The following CUX1 variants were observed in gnomAD, a reference collection of about 807,000 sequenced individuals.
CUX1 encodes cut like homeobox 1.
A neutral mutation model predicts 158.8 loss-of-function variants in CUX1; 31 were observed. The ratio of observed to expected loss-of-function variants is 0.20; its 90% CI spans 0.15 to 0.26. CUX1 has a LOEUF of 0.26. Ranked by LOEUF, CUX1 falls within the 10% of genes least tolerant of loss-of-function variation. The probability of loss-of-function intolerance (pLI) is 1.00; values close to 1 mark genes in which losing one functional copy is unlikely to be tolerated. For missense variants in CUX1, 1,589 were observed against 2,014.6 expected, an observed-to-expected ratio of 0.79 and a Z score of 4.04; for synonymous variants, 879 against 862.1, an observed-to-expected ratio of 1.02 and a Z score of -0.34.
At chr7:101,898,737 C>T (rs554496133) in intron 1 of CUX1, among the ~76,000 whole-genome samples, 10 of 151,932 alleles carry the variant, frequency 6.6e-5, no homozygotes, top group Admixed American at 2.6e-4. Context: ...ATTACAGGCA[C>T]GCACCACCAC....
At chr7:101,918,604 G>A (rs1804519247) in intron 2 of CUX1, among the ~76,000 whole-genome samples, 1 of 152,338 alleles carries the variant, frequency 6.6e-6, no homozygotes, top group East Asian at 1.9e-4. Flanking sequence ...TGCGGTCCTG[G>A]GGAGGTGGGG....
chr7:102,158,258 T>C (rs1312415740), intron 8 of CUX1, among the ~76,000 whole-genome samples: 1 of 152,198 alleles, frequency 6.6e-6, no homozygotes. Context: ...CAGAGCTCTT[T>C]TTGAACCCTT....
In CUX1 at chr7:102,253,032, T is replaced by C. The variant is rs1801684737; in HGVS notation, c.*3990T>C. 2.0e-6 allele frequency: 2 copies of C among 985,292 alleles called. No individual in the cohort carries two copies. The highest frequency in any genetic ancestry group is 3.5e-5 in the African/African-American group (2 of 57,216). 61.0% of individuals were successfully genotyped at this position (985,292 alleles called of 1,614,324 possible). A position where few individuals can be genotyped will look rare whatever the true frequency, so the allele number is the denominator to read the frequency against. ...AAACCTGCTACTTTGTGCAAGTAAT[T>C]GAGGCAAAAGATACCAGTCGACAGC... On this transcript the variant is annotated 3_prime_UTR_variant, in exon 24 of 24. Transcript: ENST00000292535.
chr7:102,249,345 C>T lies in CUX1; in HGVS notation c.*303C>T. On this transcript the variant is annotated 3_prime_UTR_variant, in exon 24 of 24. Transcript: ENST00000292535. The stretch of plus-strand genomic sequence containing the variant: ...ACCCCTGGACCGCTTTGCGCACTTA[C>T]CGCCCTGCGGGCCACAGGGCAAAAT... 14 of 1,009,300 alleles carry T rather than the reference C, an allele frequency of 1.4e-5. No individual in the cohort carries two copies. Among genetic ancestry groups the T allele is most frequent in the Non-Finnish European group, 1.7e-5 (14 of 845,180 alleles). 62.5% of individuals were successfully genotyped at this position (1,009,300 alleles called of 1,614,324 possible).
intron 10 of CUX1, among the ~76,000 whole-genome samples, chr7:102,173,753 G>C (rs782406206): frequency 1.1e-4 from 16 of 152,156 alleles, no homozygotes; most frequent in Non-Finnish European, 1.9e-4. Context: ...GGTAGAGTCC[G>C]TTGTGGATCC....
chr7:102,248,865 CA>C lies in CUX1; in HGVS notation c.4342del (p.Ser1448AlafsTer37). 2 of 1,302,108 alleles carry C rather than the reference CA, an allele frequency of 1.5e-6. No individual in the cohort carries two copies. The highest frequency in any genetic ancestry group is 1.8e-5 in the South Asian group (1 of 55,006). The allele number at this position is 1,302,108 out of a possible 1,614,324, so 80.7% of individuals were successfully genotyped here. A position where few individuals can be genotyped will look rare whatever the true frequency, so the allele number is the denominator to read the frequency against. ...CGCCGCCCAGCAACAGCAGCAGCAG[CA>C]GCGCCCCCCGCAGGCCCAGCTCGCT... ...APPPSNSSSS[S>X]APRRPSSLQS... On this transcript the variant is annotated frameshift_variant, in exon 24 of 24. Coordinates refer to ENST00000292535, the MANE Select transcript of CUX1 (RefSeq NM_181552.4). LOFTEE classifies it low-confidence loss of function (END_TRUNC). The surrounding 1 kb of genome is among the most constrained non-coding windows in gnomAD (Gnocchi z 5.8).
chr7:102,188,265 G>T (rs782763604), intron 11 of CUX1, among the ~76,000 whole-genome samples: 2 of 152,068 alleles, frequency 1.3e-5, no homozygotes, highest in Non-Finnish European at 2.9e-5. Context: ...TAGAGGGGAA[G>T]TTACCGGAAA....
At chr7:102,111,239 G>A (rs576965146) in intron 6 of CUX1, among the ~76,000 whole-genome samples, 1 of 152,056 alleles carries the variant, frequency 6.6e-6, no homozygotes, top group Non-Finnish European at 1.5e-5. Context: ...TTGCAGTTGC[G>A]TTTGCATTCC....
Position 102,111,939 on chromosome 7 carries a change from C to G in CUX1, c.607+165C>G, listed in dbSNP as rs2131078206. ...AATTCCGCAGCACGCCCGCCAGCTG[C>G]TGCGCCTCATTCCTCACTGACTTTG... On this transcript the variant is annotated intron_variant, in intron 7 of 23. Transcript: ENST00000292535. 4 of 599,528 alleles carry G rather than the reference C, an allele frequency of 6.7e-6. No individual in the cohort carries two copies. In the East Asian group the frequency reaches 1.1e-4, roughly 17 times the overall value. The allele number at this position is 599,528 out of a possible 1,614,324, so 37.1% of individuals were successfully genotyped here.
At chr7:102,132,232 G>A (rs1049630724) in intron 8 of CUX1, among the ~76,000 whole-genome samples, 3 of 151,140 alleles carry the variant, frequency 2.0e-5, no homozygotes, top group Admixed American at 6.6e-5. Flanking sequence ...ATGGACAGAC[G>A]GATGGGCAGA....
At chr7:102,171,176 C>A (rs1034392849) in intron 10 of CUX1, among the ~76,000 whole-genome samples, 1 of 152,068 alleles carries the variant, frequency 6.6e-6, no homozygotes, top group Admixed American at 6.5e-5. Flanking sequence ...TGTATAGGGA[C>A]AAGGAACAGC....
At chr7:101,858,839 T>C (rs1797154305) in intron 1 of CUX1, among the ~76,000 whole-genome samples, 1 of 152,074 alleles carries the variant, frequency 6.6e-6, no homozygotes, top group South Asian at 2.1e-4. Context: ...CTAATTTTTA[T>C]ATTTTTAGTA....
In CUX1 at chr7:102,253,860, G is replaced by A; in HGVS notation, c.*4818G>A. The A allele has an allele frequency of 4.1e-6, 4 of 985,842 alleles. No homozygotes were observed. The highest frequency in any genetic ancestry group is 2.4e-6 in the Non-Finnish European group (2 of 830,258). The allele number at this position is 985,842 out of a possible 1,614,324, so 61.1% of individuals were successfully genotyped here. A position where few individuals can be genotyped will look rare whatever the true frequency, so the allele number is the denominator to read the frequency against. On this transcript the variant is annotated 3_prime_UTR_variant, in exon 24 of 24. Transcript: ENST00000292535. Reference sequence around the variant, plus strand: ...ACTTTAGGCTGGAGGTTTGGCTCCTGTGCTGCCGGTGGGGGGCCCTGTCCC... The same window carrying A: ...ACTTTAGGCTGGAGGTTTGGCTCCTATGCTGCCGGTGGGGGGCCCTGTCCC...
chr7:101,868,074 C>T (rs1449738167), intron 1 of CUX1, among the ~76,000 whole-genome samples: 2 of 152,132 alleles, frequency 1.3e-5, no homozygotes, highest in South Asian at 2.1e-4. Flanking sequence ...CTCAAACTCC[C>T]GGCCTCAAGC....
At chr7:102,160,905 G>A (rs781858515) in intron 9 of CUX1, among the ~76,000 whole-genome samples, 5 of 152,202 alleles carry the variant, frequency 3.3e-5, no homozygotes, top group African/African-American at 7.2e-5. Flanking sequence ...TGAAAAGTAC[G>A]CTAATGGTTA....
At chr7:101,907,831 A>G (rs1334814848) in intron 1 of CUX1, among the ~76,000 whole-genome samples, 1 of 152,076 alleles carries the variant, frequency 6.6e-6, no homozygotes, top group African/African-American at 2.4e-5. Context: ...TAAAATATCA[A>G]TGTTTAGCCA....
chr7:102,033,046 G>A (rs1465470269), intron 3 of CUX1, among the ~76,000 whole-genome samples: 1 of 152,242 alleles, frequency 6.6e-6, no homozygotes, highest in Non-Finnish European at 1.5e-5. Flanking sequence ...GAACCTCTTG[G>A]TAGTGGGGGA....
At chr7:102,181,524 C>T (rs1793082405) in intron 11 of CUX1, among the ~76,000 whole-genome samples, 1 of 152,088 alleles carries the variant, frequency 6.6e-6, no homozygotes, top group African/African-American at 2.4e-5. Context: ...TTTGCCTTCA[C>T]AAAAAAATGA....
chr7:102,046,318 C>T (rs1392299872), intron 3 of CUX1, among the ~76,000 whole-genome samples: 5 of 151,742 alleles, frequency 3.3e-5, no homozygotes, highest in African/African-American at 9.7e-5. Context: ...CTGCCACCTC[C>T]GCCTCCCAGG....
Sources: allele counts gnomAD v4.1 joint callset (sites outside exome capture counted in the v4.1 genomes callset), GRCh38; gene constraint gnomAD v4.1.1; non-coding constraint Gnocchi (gnomAD v3.1); transcripts MANE v1.5; gene names NCBI Gene and HGNC (gene_info 2026-07-23, HGNC 2026-07-21).